KCNQ1: variants seen among roughly 807,000 people sequenced by gnomAD.
KCNQ1 encodes the protein potassium voltage-gated channel subfamily Q member 1.
A neutral mutation model predicts 72.4 loss-of-function variants in KCNQ1; 49 were observed. The observed-to-expected ratio is 0.68, with a 90% CI of 0.54 to 0.86. The LOEUF is 0.86. KCNQ1 is among the 40% of genes least tolerant of loss of function. KCNQ1 has a pLI of 0.00. For synonymous variants in KCNQ1, 450 were observed against 412.6 expected, an observed-to-expected ratio of 1.09 and a Z score of -1.10; for missense variants, 790 against 945.1, an observed-to-expected ratio of 0.84 and a Z score of 2.15.
At chr11:2,512,725 G>A (rs1200725897) in intron 1 of KCNQ1, among the ~76,000 whole-genome samples, 1 of 152,218 alleles carries the variant, frequency 6.6e-6, no homozygotes, top group Non-Finnish European at 1.5e-5. Flanking sequence ...CTGTTACAGG[G>A]GATGCCTCAG....
At chr11:2,609,644 G>T in intron 10 of KCNQ1, 1 of 398,250 alleles carries the variant, frequency 2.5e-6, no homozygotes, top group South Asian at 1.3e-4. Context: ...TACTATTGTT[G>T]AATTGGCTAT....
Position 2,817,958 on chromosome 11 carries a change from T to C in KCNQ1, c.1795-29809T>C, listed in dbSNP as rs12284372. 0.17 allele frequency among the ~76,000 whole-genome samples: 25,520 copies of C among 152,096 alleles called. 2,331 individuals carry two copies. Among genetic ancestry groups the C allele is most frequent in the South Asian group, 0.24 (1,169 of 4,818 alleles). On this transcript the variant is annotated intron_variant, in intron 15 of 15. Coordinates refer to ENST00000155840, the MANE Select transcript of KCNQ1 (RefSeq NM_000218.3). The surrounding 1 kb of genome is among the most constrained non-coding windows in gnomAD (Gnocchi z 6.1). ...AAGGCCTGCAGTGAAAAAAACTAAC[T>C]TCGTATAACCCAACTATTCCCAAAC...
At position 2,450,237 on chromosome 11, in the gene KCNQ1, GACA is replaced by G. The variant is rs1015987004; in HGVS notation, c.386+4754_386+4756del. On this transcript the variant is annotated intron_variant, in intron 1 of 15. Transcript: ENST00000155840. The surrounding 1 kb of genome is among the most constrained non-coding windows in gnomAD (Gnocchi z 7.9). ...CTCATCTCAGGCATCTGTGGGAGGA[GACA>G]GCTCCCAAGGGCGGTGATGCCAGGA... Among the ~76,000 whole-genome samples the G allele has an allele frequency of 1.3e-5, 2 of 152,226 alleles. No individual in the cohort carries two copies. Among genetic ancestry groups the G allele is most frequent in the Non-Finnish European group, 2.9e-5 (2 of 68,032 alleles).
At chr11:2,662,922 A>G (rs900423063) in intron 11 of KCNQ1, 1 of 398,476 alleles carries the variant, frequency 2.5e-6, no homozygotes, top group Non-Finnish European at 4.4e-6. Flanking sequence ...GGTTGTCCTG[A>G]GCCATGTGTG....
intron 11 of KCNQ1, chr11:2,675,778 G>T (rs1850282697): frequency 5.0e-6 from 2 of 398,708 alleles, no homozygotes; most frequent in East Asian, 7.1e-5. Flanking sequence ...TGTGCGGGGA[G>T]CTGCTGCCCG....
At position 2,645,026 on chromosome 11, in the gene KCNQ1, G is replaced by A; in HGVS notation, c.1394-16935G>A. On this transcript the variant is annotated intron_variant, in intron 10 of 15. Coordinates refer to ENST00000155840, the MANE Select transcript of KCNQ1 (RefSeq NM_000218.3). This position sits in a 1 kb window ranked among gnomAD's most constrained non-coding sequence, Gnocchi z 5.8. ...GCAAGTCCAGGGAAACCAATTTTGG[G>A]CCTCCAGGCAACTTGCTCAGGTGCC... The A allele has an allele frequency of 2.5e-6, 1 of 398,744 alleles. No individual in the cohort carries two copies. Among genetic ancestry groups the A allele is most frequent in the South Asian group, 1.3e-4 (1 of 7,852 alleles). 24.7% of individuals were successfully genotyped at this position (398,744 alleles called of 1,614,324 possible). A position where few individuals can be genotyped will look rare whatever the true frequency, so the allele number is the denominator to read the frequency against.
At position 2,787,892 on chromosome 11, in the gene KCNQ1, T is replaced by TGAAAA. The variant is rs3078947; in HGVS notation, c.1794+9856_1794+9860dup. Among the ~76,000 whole-genome samples the TGAAAA allele has an allele frequency of 1, 151,596 of 152,276 alleles. 75,461 individuals are homozygous for TGAAAA. Among genetic ancestry groups the TGAAAA allele is most frequent in the Middle Eastern group, 1 (294 of 294 alleles). ...AAATTTTAATTTTAATTTATTAAAATGAAAATTCCATTCCTGGATCTCAGT... is the reference window on the plus strand; with the variant it reads ...AAATTTTAATTTTAATTTATTAAAATGAAAAGAAAATTCCATTCCTGGATCTCAGT... On this transcript the variant is annotated intron_variant, in intron 15 of 15. Transcript: ENST00000155840. The surrounding 1 kb of genome is among the most constrained non-coding windows in gnomAD (Gnocchi z 6.3).
intron 14 of KCNQ1, chr11:2,777,698 G>C (rs1285902419): frequency 5.0e-6 from 3 of 602,046 alleles, no homozygotes; most frequent in Non-Finnish European, 8.9e-6. Flanking sequence ...ACAGCTGGCA[G>C]TGTGGCCAGC....
chr11:2,568,467 A>T (rs905664846), intron 2 of KCNQ1, among the ~76,000 whole-genome samples: 1 of 152,038 alleles, frequency 6.6e-6, no homozygotes, highest in African/African-American at 2.4e-5. Context: ...AGCTCCGGGG[A>T]CTTGGAGCTC....
At position 2,463,842 on chromosome 11, in the gene KCNQ1, G is replaced by A. The variant is rs1302768607; in HGVS notation, c.386+18358G>A. Among the ~76,000 whole-genome samples the A allele has an allele frequency of 1.3e-5, 2 of 152,358 alleles. No individual in the cohort carries two copies. Among genetic ancestry groups the A allele is most frequent in the African/African-American group, 4.8e-5 (2 of 41,590 alleles). On this transcript the variant is annotated intron_variant, in intron 1 of 15. Transcript: ENST00000155840. The surrounding 1 kb of genome is among the most constrained non-coding windows in gnomAD (Gnocchi z 7.0). Reference sequence around the variant, plus strand: ...CCCCGCTACCACGTGGAGGCTCCCTGTAGGTGCTTGTGTAGATGCCCCCGT... The same window carrying A: ...CCCCGCTACCACGTGGAGGCTCCCTATAGGTGCTTGTGTAGATGCCCCCGT...
At chr11:2,825,802 C>T (rs890808225) in intron 15 of KCNQ1, among the ~76,000 whole-genome samples, 1 of 152,184 alleles carries the variant, frequency 6.6e-6, no homozygotes, top group African/African-American at 2.4e-5. Context: ...ACTGGACCAG[C>T]GCGGCCTCCA....
intron 2 of KCNQ1, among the ~76,000 whole-genome samples, chr11:2,532,899 C>G (rs1362192206): frequency 6.6e-6 from 1 of 152,142 alleles, no homozygotes; most frequent in Non-Finnish European, 1.5e-5. Context: ...CGGGGAGGTA[C>G]GAGAAGCAAA....
rs1846123057 is a variant in KCNQ1, at chr11:2,451,849, A to AAAGCCCTCAGGACACCCAG, written c.386+6373_386+6391dup. On this transcript the variant is annotated intron_variant, in intron 1 of 15. Transcript: ENST00000155840. The surrounding 1 kb of genome is among the most constrained non-coding windows in gnomAD (Gnocchi z 6.4). ...GCCACTTTGCTCATGCCACACCCAG[A>AAAGCCCTCAGGACACCCAG]AAGCCCTCAGGACACCCAGAAGCCC... 6.6e-6 allele frequency among the ~76,000 whole-genome samples: 1 copy of AAAGCCCTCAGGACACCCAG among 152,154 alleles called. No homozygotes were observed. Among genetic ancestry groups the AAAGCCCTCAGGACACCCAG allele is most frequent in the Non-Finnish European group, 1.5e-5 (1 of 68,020 alleles).
intron 1 of KCNQ1, among the ~76,000 whole-genome samples, chr11:2,460,069 C>T (rs1052452899): frequency 1.3e-5 from 2 of 152,192 alleles, no homozygotes; most frequent in Non-Finnish European, 2.9e-5. Context: ...GCCTTGGTGT[C>T]CTGACTGCCA....
Position 2,572,969 on chromosome 11 carries a change from G to A in KCNQ1, c.904G>A (p.Ala302Thr), listed in dbSNP as rs199472739. The change falls in exon 6 of 16, where the codon GCG becomes ACG. Residue 302 changes from alanine (A) to threonine (T), a missense_variant. Around this residue, in one of 5 missense-constraint regions of KCNQ1, gnomAD observed 133 missense variants for 219.5 expected, o/e 0.61. Coordinates refer to ENST00000155840, the MANE Select transcript of KCNQ1 (RefSeq NM_000218.3). ...CGTGGAGTTCGGCAGCTACGCAGAT[G>A]CGCTGTGGTGGGGGGTGGTAAGTCG... ...GRVEFGSYAD[A>T]LWWGVVTVTT... is the part of the protein sequence containing the mutation. 1 of 1,613,686 alleles carries A rather than the reference G, an allele frequency of 6.2e-7. No homozygotes were observed. Among genetic ancestry groups the A allele is most frequent in the Non-Finnish European group, 8.5e-7 (1 of 1,179,960 alleles).
intron 1 of KCNQ1, among the ~76,000 whole-genome samples, chr11:2,472,200 T>C (rs1309809654): frequency 6.6e-6 from 1 of 150,816 alleles, no homozygotes; most frequent in African/African-American, 2.5e-5. Context: ...TGTCTATGTG[T>C]GCACATGTGT....
intron 15 of KCNQ1, among the ~76,000 whole-genome samples, chr11:2,800,285 G>T (rs1485150984): frequency 1.3e-5 from 2 of 152,230 alleles, no homozygotes; most frequent in Non-Finnish European, 2.9e-5. Flanking sequence ...CCCCAGCAGG[G>T]TAACCCTGCA....
chr11:2,552,192 GT>G (rs984653093), intron 2 of KCNQ1, among the ~76,000 whole-genome samples: 11 of 151,760 alleles, frequency 7.2e-5, no homozygotes, highest in Non-Finnish European at 1.3e-4. Context: ...AGATTACAAA[GT>G]TTTTTCTCCT....
intron 15 of KCNQ1, among the ~76,000 whole-genome samples, chr11:2,794,547 G>A (rs1847093500): frequency 6.6e-6 from 1 of 152,158 alleles, no homozygotes; most frequent in Admixed American, 6.5e-5. Flanking sequence ...ATGTGACTCA[G>A]CCCTGAGCCC....
Sources: allele counts gnomAD v4.1 joint callset (sites outside exome capture counted in the v4.1 genomes callset), GRCh38; gene constraint gnomAD v4.1.1; regional missense constraint gnomAD v4.1.1; non-coding constraint Gnocchi (gnomAD v3.1); transcripts MANE v1.5; gene names NCBI Gene and HGNC (gene_info 2026-07-23, HGNC 2026-07-21).